Variants in ARL15 observed in about 807,000 individuals in gnomAD.
The protein encoded by ARL15 is ARF like GTPase 15.
ARL15 carries 19 observed loss-of-function variants against 25.2 expected under a neutral mutation model. The ratio of observed to expected loss-of-function variants is 0.75; its 90% CI spans 0.53 to 1.10. The LOEUF is 1.10. Ranked by LOEUF, ARL15 falls within the 50% of genes least tolerant of loss-of-function variation. The pLI is 0.00. For missense variants in ARL15, 220 were observed against 246.0 expected (o/e 0.89, Z 0.71); for synonymous variants, 94 against 86.8 (o/e 1.08, Z -0.46).
intron 4 of ARL15, among the ~76,000 whole-genome samples, chr5:54,057,044 G>A (rs1221576108): frequency 6.7e-6 from 1 of 148,164 alleles, no homozygotes; most frequent in Non-Finnish European, 1.5e-5. Flanking sequence ...GTTTTAGAAA[G>A]AAAAATGTAT....
At chr5:53,930,947 A>G (rs551054310) in intron 4 of ARL15, among the ~76,000 whole-genome samples, 25 of 152,262 alleles carry the variant, frequency 1.6e-4, no homozygotes, top group African/African-American at 5.8e-4. Context: ...TTTATTTTTT[A>G]TCTCTAAAGG....
At chr5:53,959,467 T>A (rs1322296718) in intron 4 of ARL15, among the ~76,000 whole-genome samples, 17 of 152,176 alleles carry the variant, frequency 1.1e-4, no homozygotes, top group Non-Finnish European at 8.8e-5. Flanking sequence ...AGATGATCAA[T>A]ATATCTATAT....
chr5:54,120,527 G>A (rs906885260), intron 3 of ARL15, among the ~76,000 whole-genome samples: 3 of 152,116 alleles, frequency 2.0e-5, no homozygotes, highest in African/African-American at 7.2e-5. Flanking sequence ...GAAACTGAAA[G>A]CATAGAAAGA....
At chr5:54,138,150 T>C (rs1753661489) in intron 3 of ARL15, among the ~76,000 whole-genome samples, 1 of 152,130 alleles carries the variant, frequency 6.6e-6, no homozygotes, top group African/African-American at 2.4e-5. Context: ...ATATTTAGGA[T>C]TTTCTTCCAG....
At chr5:54,058,017 T>TTA (rs1750938860) in intron 4 of ARL15, among the ~76,000 whole-genome samples, 1 of 141,184 alleles carries the variant, frequency 7.1e-6, no homozygotes, top group African/African-American at 2.9e-5. Flanking sequence ...TATTTATTTA[T>TTA]TTTTTTTGAC....
At chr5:54,186,413 A>G (rs1755242481) in intron 1 of ARL15, among the ~76,000 whole-genome samples, 1 of 152,206 alleles carries the variant, frequency 6.6e-6, no homozygotes, top group Admixed American at 6.5e-5. Context: ...AGTTCAAGCC[A>G]TCTTCTCACT....
At chr5:54,003,253 G>A (rs1748904465) in intron 4 of ARL15, among the ~76,000 whole-genome samples, 1 of 152,194 alleles carries the variant, frequency 6.6e-6, no homozygotes, top group African/African-American at 2.4e-5. Flanking sequence ...AACAGTGACA[G>A]TGAGAATGGA....
intron 4 of ARL15, among the ~76,000 whole-genome samples, chr5:54,103,323 T>C (rs1752494136): frequency 6.6e-6 from 1 of 152,096 alleles, no homozygotes; most frequent in South Asian, 2.1e-4. Context: ...ACCTTCAAAA[T>C]GAGATATTTT....
At chr5:54,296,008 C>T (rs750952706) in intron 1 of ARL15, among the ~76,000 whole-genome samples, 5 of 152,188 alleles carry the variant, frequency 3.3e-5, no homozygotes, top group Non-Finnish European at 5.9e-5. Context: ...TGAGTCGGCT[C>T]GTGTGGCCGA....
intron 4 of ARL15, among the ~76,000 whole-genome samples, chr5:53,900,533 T>C (rs1215707850): frequency 1.2e-5 from 1 of 83,812 alleles, no homozygotes; most frequent in East Asian, 2.4e-4. Context: ...AGTCCTCAGT[T>C]CCTTGAGGGC....
intron 4 of ARL15, among the ~76,000 whole-genome samples, chr5:54,044,154 C>A (rs1750433377): frequency 6.6e-6 from 1 of 151,696 alleles, no homozygotes; most frequent in Non-Finnish European, 1.5e-5. Context: ...ACAAAAGTTT[C>A]TTGTAAGTAC....
In ARL15 at chr5:54,038,004, C is replaced by A. The variant is rs183457837; in HGVS notation, c.462+75198G>T. On this transcript the variant is annotated intron_variant, in intron 4 of 4. Transcript: ENST00000504924. Reference sequence around the variant, plus strand: ...TAGAAATAATTTTTTATTTAGTAATCATTTTAATTGTCTAATCAACACCTT... The same window carrying A: ...TAGAAATAATTTTTTATTTAGTAATAATTTTAATTGTCTAATCAACACCTT... 3.5e-4 allele frequency among the ~76,000 whole-genome samples: 53 copies of A among 152,134 alleles called. 1 individual carries two copies. In the East Asian group the frequency reaches 7.7e-3, roughly 22 times the overall value.
chr5:54,041,388 C>T (rs533401949), intron 4 of ARL15, among the ~76,000 whole-genome samples: 1 of 152,248 alleles, frequency 6.6e-6, no homozygotes, highest in African/African-American at 2.4e-5. Flanking sequence ...AACTAGGTCA[C>T]CTTGAATTTC....
At chr5:53,943,169 C>G (rs1351545076) in intron 4 of ARL15, among the ~76,000 whole-genome samples, 1 of 151,878 alleles carries the variant, frequency 6.6e-6, no homozygotes, top group Non-Finnish European at 1.5e-5. Flanking sequence ...TTTTAACGGG[C>G]TATGTATATA....
At chr5:54,283,510 T>A (rs1758111138) in intron 1 of ARL15, among the ~76,000 whole-genome samples, 1 of 152,164 alleles carries the variant, frequency 6.6e-6, no homozygotes, top group African/African-American at 2.4e-5. Context: ...CATCTATTAT[T>A]AAGTTATTAC....
At position 54,255,697 on chromosome 5, in the gene ARL15, A is replaced by G. The variant is rs562181310; in HGVS notation, c.48+54735T>C. On this transcript the variant is annotated intron_variant, in intron 1 of 4. Coordinates refer to ENST00000504924, the MANE Select transcript of ARL15 (RefSeq NM_019087.3). Reference sequence around the variant, plus strand: ...AAGTTGAACTCATGTGATGGGCTGCAGCATAAAACAGTCAAAACTTTGTTT... The same window carrying G: ...AAGTTGAACTCATGTGATGGGCTGCGGCATAAAACAGTCAAAACTTTGTTT... 2.0e-5 allele frequency among the ~76,000 whole-genome samples: 3 copies of G among 152,338 alleles called. No individual in the cohort carries two copies. The East Asian group carries it at 5.8e-4, about 29-fold the overall frequency.
At chr5:53,894,294 T>C (rs271208) in intron 4 of ARL15, among the ~76,000 whole-genome samples, 142,485 of 152,264 alleles carry the variant, frequency 0.94, 67,292 homozygotes, top group Non-Finnish European at 1. Flanking sequence ...CCCCAATCAG[T>C]AACCTCCGAC....
chr5:54,186,869 G>A (rs994875334), intron 1 of ARL15, among the ~76,000 whole-genome samples: 14 of 124,406 alleles, frequency 1.1e-4, no homozygotes, highest in Non-Finnish European at 2.3e-4. Flanking sequence ...CAGTAGCATC[G>A]ACTTTTTTTT....
At chr5:53,912,827 A>G (rs374787447) in intron 4 of ARL15, among the ~76,000 whole-genome samples, 9 of 152,366 alleles carry the variant, frequency 5.9e-5, no homozygotes, top group African/African-American at 2.2e-4. Context: ...TCTTCTAGAG[A>G]CTAAAGATAG....
Sources: gnomAD v4.1 joint callset for allele counts (sites outside exome capture counted in the v4.1 genomes callset) on GRCh38, gnomAD v4.1.1 for gene constraint, MANE v1.5 for transcripts, NCBI Gene and HGNC (gene_info 2026-07-23, HGNC 2026-07-21) for gene names.